Variants in MAP1S observed in about 807,000 individuals in gnomAD.
The protein encoded by MAP1S is microtubule associated protein 1S.
In MAP1S, 27 loss-of-function variants were observed where a neutral mutation model predicts 60.9. The observed-to-expected ratio is 0.44, with a 90% CI of 0.33 to 0.61. The LOEUF (loss-of-function observed/expected upper bound fraction) is 0.61. Among genes scored for constraint, MAP1S ranks in the 20% least tolerant of loss-of-function variants. The probability of loss-of-function intolerance (pLI) is 0.03; values close to 1 mark genes in which losing one functional copy is unlikely to be tolerated. For synonymous variants in MAP1S, 826 were observed against 694.2 expected (o/e 1.19, Z -2.98); for missense variants, 1,608 against 1,486.6 (o/e 1.08, Z -1.34).
chr19:17,730,962 C>T (rs2080488471), intron 5 of MAP1S, among the ~76,000 whole-genome samples: 1 of 150,174 alleles, frequency 6.7e-6, no homozygotes, highest in Admixed American at 6.7e-5. Flanking sequence ...ACTATCTTGG[C>T]TCACTGCAAC....
At chr19:17,720,688 G>A in intron 1 of MAP1S, 1 of 640,022 alleles carries the variant, frequency 1.6e-6, no homozygotes. Context: ...GAGCAGCGAG[G>A]AGGTGGAGAT....
At position 17,727,296 on chromosome 19, in the gene MAP1S, A is replaced by G. The variant is rs1374511418; in HGVS notation, c.1912A>G (p.Thr638Ala). Reference protein sequence around the residue: ...LAASSIPRPRTPSPESHRSPA... With the variant: ...LAASSIPRPRAPSPESHRSPA... ...CGCCAGCTCAATCCCAAGGCCACGCACACCCTCCCCTGAGTCCCACCGGAG... is the reference window on the plus strand; with the variant it reads ...CGCCAGCTCAATCCCAAGGCCACGCGCACCCTCCCCTGAGTCCCACCGGAG... Residue 638 changes from threonine to alanine, a missense_variant, in exon 5 of 7, where the codon ACA (threonine) becomes GCA (alanine). Around this residue, in one of 4 missense-constraint regions of MAP1S, gnomAD observed 1,167 missense variants for 961.4 expected, o/e 1.21. Transcript: ENST00000324096. The surrounding 1 kb of genome is among the most constrained non-coding windows in gnomAD (Gnocchi z 4.1). The G allele has an allele frequency of 2.5e-6, 4 of 1,590,350 alleles. No homozygotes were observed. The Admixed American group carries it at 6.9e-5, about 27-fold the overall frequency.
chr19:17,725,950 T>G lies in MAP1S; in HGVS notation c.566T>G (p.Leu189Arg). 1 of 1,613,086 alleles carries G rather than the reference T, an allele frequency of 6.2e-7. No homozygotes were observed. The highest frequency in any genetic ancestry group is 8.5e-7 in the Non-Finnish European group (1 of 1,179,694). The change falls in exon 5 of 7, where the codon CTC becomes CGC. Residue 189 changes from leucine to arginine, a missense_variant. This residue lies in a region of MAP1S where 320 missense variants were observed against 393.1 expected (regional missense o/e 0.81). Coordinates refer to ENST00000324096, the MANE Select transcript of MAP1S (RefSeq NM_018174.6). The surrounding 1 kb of genome is among the most constrained non-coding windows in gnomAD (Gnocchi z 4.2). ...APAVPGLQGA[L>R]RLQLRLNPPA... is the part of the protein sequence containing the mutation. Reference sequence around the variant, plus strand: ...GCTGTGCCTGGCCTTCAGGGGGCGCTCCGGCTCCAGCTGCGGCTGAACCCC... The same window carrying G: ...GCTGTGCCTGGCCTTCAGGGGGCGCGCCGGCTCCAGCTGCGGCTGAACCCC...
chr19:17,720,896 G>A lies in MAP1S; in HGVS notation c.119-40G>A, dbSNP rs200354491. ...ATTGAAATATTCTGGGAGCTGGGGG[G>A]CCCGGCTGAACTCCCGCCTTGATCC... On this transcript the variant is annotated intron_variant, in intron 1 of 6. Transcript: ENST00000324096. 1.6e-5 allele frequency: 23 copies of A among 1,482,738 alleles called. No homozygotes were observed. In the East Asian group the frequency reaches 5.0e-4, roughly 32 times the overall value. The allele number at this position is 1,482,738 out of a possible 1,614,324, so 91.8% of individuals were successfully genotyped here.
At position 17,733,182 on chromosome 19, in the gene MAP1S, C is replaced by T. The variant is rs1465477137; in HGVS notation, c.2789-11C>T. ...GAGCTCATCCCTGCCTCCCCATCCCCCCGCCCGCAGGGTCAGCCAGCAGCC... is the reference window on the plus strand; with the variant it reads ...GAGCTCATCCCTGCCTCCCCATCCCTCCGCCCGCAGGGTCAGCCAGCAGCC... On this transcript the variant is annotated splice_polypyrimidine_tract_variant and intron_variant, in intron 5 of 6. Coordinates refer to ENST00000324096, the MANE Select transcript of MAP1S (RefSeq NM_018174.6). 2.0e-6 allele frequency: 3 copies of T among 1,520,598 alleles called. No homozygotes were observed. Among genetic ancestry groups the T allele is most frequent in the Non-Finnish European group, 1.8e-6 (2 of 1,128,960 alleles). 94.2% of individuals were successfully genotyped at this position (1,520,598 alleles called of 1,614,324 possible). A position where few individuals can be genotyped will look rare whatever the true frequency, so the allele number is the denominator to read the frequency against.
intron 5 of MAP1S, among the ~76,000 whole-genome samples, chr19:17,730,322 G>A (rs2080481852): frequency 6.6e-6 from 1 of 152,104 alleles, no homozygotes; most frequent in African/African-American, 2.4e-5. Context: ...TTAAAATTTT[G>A]TTTTACTTTT....
chr19:17,727,190 C>T lies in MAP1S; in HGVS notation c.1806C>T (p.Ala602=), dbSNP rs763796739. Reference sequence around the variant, plus strand: ...CCAGTGCAGCCTGCGGCTCTCCGGCCTCCCAGCTGGTGGCCACGCCCAGCC... The same window carrying T: ...CCAGTGCAGCCTGCGGCTCTCCGGCTTCCCAGCTGGTGGCCACGCCCAGCC... The part of the protein sequence containing the change: ...SPPSAACGSP[A]SQLVATPSLE... Residue 602 remains alanine, a synonymous_variant, in exon 5 of 7, where the codon GCC becomes GCT. Transcript: ENST00000324096. The surrounding 1 kb of genome is among the most constrained non-coding windows in gnomAD (Gnocchi z 4.1). 4 of 1,577,182 alleles carry T rather than the reference C, an allele frequency of 2.5e-6. No individual in the cohort carries two copies. The highest frequency in any genetic ancestry group is 3.4e-6 in the Non-Finnish European group (4 of 1,165,642).
At position 17,727,210 on chromosome 19, in the gene MAP1S, C is replaced by T. The variant is rs1446346956; in HGVS notation, c.1826C>T (p.Pro609Leu). The change falls in exon 5 of 7, where the codon CCC becomes CTC. Residue 609 changes from proline to leucine, a missense_variant. Pro to Leu is a moderately conservative substitution (Grantham distance 98). Around this residue, in one of 4 missense-constraint regions of MAP1S, gnomAD observed 1,167 missense variants for 961.4 expected, o/e 1.21. Transcript: ENST00000324096. The surrounding 1 kb of genome is among the most constrained non-coding windows in gnomAD (Gnocchi z 4.1). ...GSPASQLVATPSLELGPIPAG... is the reference protein window; with the variant it reads ...GSPASQLVATLSLELGPIPAG... ...CCGGCCTCCCAGCTGGTGGCCACGC[C>T]CAGCCTGGAGCTGGGGCCGATCCCA... is the stretch of plus-strand genomic sequence containing the variant. The T allele has an allele frequency of 1.3e-6, 2 of 1,570,460 alleles. No individual in the cohort carries two copies. The highest frequency in any genetic ancestry group is 2.3e-5 in the South Asian group (2 of 87,016).
chr19:17,724,966 A>C, intron 3 of MAP1S, 83 bp from the exon 4 acceptor site: 1 of 1,568,082 alleles, frequency 6.4e-7, no homozygotes, highest in Admixed American at 1.7e-5. Context: ...GTGGTTATGT[A>C]TCGACTCGAG....
chr19:17,726,671 C>T lies in MAP1S; in HGVS notation c.1287C>T (p.Arg429=), dbSNP rs1568292698. 2.5e-6 allele frequency: 4 copies of T among 1,582,354 alleles called. No homozygotes were observed. The highest frequency in any genetic ancestry group is 3.4e-6 in the Non-Finnish European group (4 of 1,168,294). ...HPAGPGEKVV[R]VLFPGCTPPA... ...CCGGCCCCGGCGAGAAGGTGGTGCG[C>T]GTGCTGTTCCCCGGTTGCACCCCGC... Residue 429 remains arginine (R), a synonymous_variant, in exon 5 of 7, where the codon CGC becomes CGT. Transcript: ENST00000324096.
At chr19:17,722,024 T>C (rs1353227271) in intron 2 of MAP1S, among the ~76,000 whole-genome samples, 1 of 152,166 alleles carries the variant, frequency 6.6e-6, no homozygotes, top group Non-Finnish European at 1.5e-5. Context: ...AGTTGGTCCT[T>C]GTGGCTTCCT....
At position 17,733,213 on chromosome 19, in the gene MAP1S, G is replaced by A. The variant is rs115190271; in HGVS notation, c.2809G>A (p.Gly937Arg). 192 of 1,475,632 alleles carry A rather than the reference G, an allele frequency of 1.3e-4. 4 individuals carry two copies. In the African/African-American group the frequency reaches 1.4e-3, roughly 11 times the overall value. The allele number at this position is 1,475,632 out of a possible 1,614,324, so 91.4% of individuals were successfully genotyped here. A position where few individuals can be genotyped will look rare whatever the true frequency, so the allele number is the denominator to read the frequency against. ...GPSGSASSRPGVSATPPKSPV... is the reference protein window; with the variant it reads ...GPSGSASSRPRVSATPPKSPV... ...CGCAGGGTCAGCCAGCAGCCGGCCCGGGGTGTCAGCCACCCCACCCAAGTC... is the reference window on the plus strand; with the variant it reads ...CGCAGGGTCAGCCAGCAGCCGGCCCAGGGTGTCAGCCACCCCACCCAAGTC... Residue 937 changes from glycine (G) to arginine (R), a missense_variant, in exon 6 of 7, where the codon GGG becomes AGG. Gly to Arg is a moderately radical substitution (Grantham distance 125). This residue lies in a region of MAP1S where 1,167 missense variants were observed against 961.4 expected (regional missense o/e 1.21). Transcript: ENST00000324096.
At chr19:17,731,569 G>A (rs2080493594) in intron 5 of MAP1S, among the ~76,000 whole-genome samples, 1 of 152,192 alleles carries the variant, frequency 6.6e-6, no homozygotes, top group South Asian at 2.1e-4. Flanking sequence ...TCTATTTCAT[G>A]ATTGTTTAAT....
chr19:17,720,212 C>T, intron 1 of MAP1S: 2 of 1,370,036 alleles, frequency 1.5e-6, no homozygotes, highest in Non-Finnish European at 1.9e-6. Context: ...GTGGGACTGG[C>T]GGGCGTGATG....
chr19:17,729,657 C>T (rs1198628646), intron 5 of MAP1S, among the ~76,000 whole-genome samples: 1 of 151,822 alleles, frequency 6.6e-6, no homozygotes, highest in African/African-American at 2.4e-5. Context: ...AGACACGCAC[C>T]ATAACGGCCA....
rs1273381611 is a variant in MAP1S, at chr19:17,727,107, C to T, written c.1723C>T (p.Pro575Ser). 3 of 1,601,134 alleles carry T rather than the reference C, an allele frequency of 1.9e-6. No individual in the cohort carries two copies. The highest frequency in any genetic ancestry group is 1.7e-5 in the Admixed American group (1 of 59,180). Residue 575 changes from proline (P) to serine (S), a missense_variant, in exon 5 of 7, where the codon CCG becomes TCG. By Grantham distance (74) the Pro-to-Ser change is moderately conservative. Transcript: ENST00000324096. The surrounding 1 kb of genome is among the most constrained non-coding windows in gnomAD (Gnocchi z 4.1). ...APSTSHSGFP[P>S]VANGPRSPPS... Reference sequence around the variant, plus strand: ...CAGCACGTCCCACTCTGGCTTCCCGCCGGTGGCAAATGGACCCCGCAGCCC... The same window carrying T: ...CAGCACGTCCCACTCTGGCTTCCCGTCGGTGGCAAATGGACCCCGCAGCCC...
intron 5 of MAP1S, among the ~76,000 whole-genome samples, chr19:17,731,611 A>G (rs2080494046): frequency 6.6e-6 from 1 of 152,210 alleles, no homozygotes; most frequent in Non-Finnish European, 1.5e-5. Flanking sequence ...GTTCATGTAT[A>G]GAAATTCAAC....
rs1239810499 is a variant in MAP1S, at chr19:17,728,555, GTTC to G, written c.2788+386_2788+388del. Among the ~76,000 whole-genome samples, 43 of 149,836 alleles carry G rather than the reference GTTC, an allele frequency of 2.9e-4. 1 individual carries two copies. The highest frequency in any genetic ancestry group is 2.2e-3 in the Admixed American group (33 of 15,082). On this transcript the variant is annotated intron_variant, in intron 5 of 6. Transcript: ENST00000324096. Reference sequence around the variant, plus strand: ...TGAGCCACGGTGCCCTGCCAGTTCTGTTCTTTTTTTTTTTTTTGAGACAGAATT... The same window carrying G: ...TGAGCCACGGTGCCCTGCCAGTTCTGTTTTTTTTTTTTTTGAGACAGAATT...
At position 17,728,187 on chromosome 19, in the gene MAP1S, T is replaced by TG. The variant is rs746040175; in HGVS notation, c.2788+19dup. ...AGGCCCGTCGGGTGAGTACTGGAGC[T>TG]GGGGCCCTGGGCTGGGTTAGCAGCT... On this transcript the variant is annotated intron_variant, in intron 5 of 6. Coordinates refer to ENST00000324096, the MANE Select transcript of MAP1S (RefSeq NM_018174.6). 31 of 1,554,616 alleles carry TG rather than the reference T, an allele frequency of 2.0e-5. No individual in the cohort carries two copies. The highest frequency in any genetic ancestry group is 2.6e-5 in the Non-Finnish European group (30 of 1,148,106).
Sources: gnomAD v4.1 joint callset for allele counts (sites outside exome capture counted in the v4.1 genomes callset) on GRCh38, gnomAD v4.1.1 for gene constraint, gnomAD v4.1.1 regional missense constraint, Gnocchi (gnomAD v3.1) non-coding constraint, MANE v1.5 for transcripts, NCBI Gene and HGNC (gene_info 2026-07-23, HGNC 2026-07-21) for gene names.